The following GRM8 variants were observed in gnomAD, a reference collection of about 807,000 sequenced individuals.
The protein encoded by GRM8 is metabotropic glutamate receptor 8.
GRM8 carries 47 observed loss-of-function variants against 87.2 expected under a neutral mutation model. That is an observed-to-expected ratio of 0.54 (90% confidence interval 0.43 to 0.69). The LOEUF is 0.69. Among genes scored for constraint, GRM8 ranks in the 30% least tolerant of loss-of-function variants. The probability of loss-of-function intolerance (pLI) is 0.00; values close to 1 mark genes in which losing one functional copy is unlikely to be tolerated. For missense variants in GRM8, 1,019 were observed against 1,139.2 expected, an observed-to-expected ratio of 0.89 and a Z score of 1.52; for synonymous variants, 396 against 404.5, an observed-to-expected ratio of 0.98 and a Z score of 0.25.
intron 3 of GRM8, among the ~76,000 whole-genome samples, chr7:127,059,177 G>C (rs1327917297): frequency 1.3e-5 from 2 of 152,046 alleles, no homozygotes; most frequent in African/African-American, 2.4e-5. Flanking sequence ...TTTGTATCTT[G>C]AAAAATGAAT....
At chr7:126,650,305 C>G (rs1317345178) in intron 7 of GRM8, among the ~76,000 whole-genome samples, 1 of 152,192 alleles carries the variant, frequency 6.6e-6, no homozygotes, top group Non-Finnish European at 1.5e-5. Flanking sequence ...CCAGCCTGCA[C>G]CAATGGCCTC....
At chr7:126,634,414 A>G (rs1432839279) in intron 7 of GRM8, among the ~76,000 whole-genome samples, 1 of 152,150 alleles carries the variant, frequency 6.6e-6, no homozygotes, top group Non-Finnish European at 1.5e-5. Context: ...CATCAACTGA[A>G]TGGGTTTCCT....
intron 7 of GRM8, among the ~76,000 whole-genome samples, chr7:126,617,402 A>G (rs1355782521): frequency 6.6e-6 from 1 of 152,192 alleles, no homozygotes; most frequent in Admixed American, 6.5e-5. Context: ...TATTTATGAC[A>G]AACCCACAGC....
At chr7:126,646,995 G>T (rs556537779) in intron 7 of GRM8, among the ~76,000 whole-genome samples, 1 of 152,296 alleles carries the variant, frequency 6.6e-6, no homozygotes, top group East Asian at 1.9e-4. Context: ...AGGGGTGGCA[G>T]CAATGTTGTC....
chr7:126,498,594 T>G (rs565613298), intron 9 of GRM8, among the ~76,000 whole-genome samples: 2 of 152,008 alleles, frequency 1.3e-5, no homozygotes, highest in African/African-American at 2.4e-5. Context: ...TCCAGAAAAG[T>G]GGGGGGACAT....
chr7:127,124,049 T>C (rs764150774), intron 2 of GRM8, among the ~76,000 whole-genome samples: 2 of 152,198 alleles, frequency 1.3e-5, no homozygotes, highest in Non-Finnish European at 2.9e-5. Flanking sequence ...AACTGGGTCC[T>C]TTCTACTGGC....
At chr7:127,014,998 A>G (rs1240922267) in intron 3 of GRM8, among the ~76,000 whole-genome samples, 1 of 116,800 alleles carries the variant, frequency 8.6e-6, no homozygotes, top group Non-Finnish European at 1.7e-5. Flanking sequence ...GAAGAAGAAG[A>G]AGAAAGAAGA....
intron 2 of GRM8, among the ~76,000 whole-genome samples, chr7:127,125,800 A>ACACACACACG (rs1491333155): frequency 2.0e-5 from 3 of 147,022 alleles, no homozygotes; most frequent in Middle Eastern, 3.6e-3. Flanking sequence ...ACACACACAC[A>ACACACACACG]AATAACTATT....
chr7:126,671,558 T>C (rs971296332), intron 7 of GRM8, among the ~76,000 whole-genome samples: 4 of 152,190 alleles, frequency 2.6e-5, no homozygotes, highest in African/African-American at 9.7e-5. Context: ...AGTTTTCACC[T>C]ACATTTTAGA....
At chr7:127,205,410 T>C (rs565454855) in intron 2 of GRM8, among the ~76,000 whole-genome samples, 1 of 152,320 alleles carries the variant, frequency 6.6e-6, no homozygotes, top group East Asian at 1.9e-4. Context: ...CTTTGAAGCC[T>C]TCCCCAGCCA....
chr7:126,577,911 TC>T (rs1231262905), intron 8 of GRM8, among the ~76,000 whole-genome samples: 1 of 152,124 alleles, frequency 6.6e-6, no homozygotes, highest in African/African-American at 2.4e-5. Flanking sequence ...TCTTAAAATC[TC>T]CCACCAAACC....
At chr7:126,788,420 A>AAAAAAAAAAAAAAAC in intron 6 of GRM8, among the ~76,000 whole-genome samples, 4 of 81,132 alleles carry the variant, frequency 4.9e-5, no homozygotes, top group East Asian at 3.7e-4. Flanking sequence ...AAAAAAAAAA[A>AAAAAAAAAAAAAAAC]AAACCCTTTC....
At chr7:126,468,800 A>G (rs116174853) in intron 9 of GRM8, among the ~76,000 whole-genome samples, 1 of 152,152 alleles carries the variant, frequency 6.6e-6, no homozygotes, top group Non-Finnish European at 1.5e-5. Context: ...ATGGTTAACG[A>G]TAAGCCTCAA....
At chr7:127,135,262 T>C (rs1196691453) in intron 2 of GRM8, among the ~76,000 whole-genome samples, 1 of 152,112 alleles carries the variant, frequency 6.6e-6, no homozygotes, top group South Asian at 2.1e-4. Flanking sequence ...AGAATGCCCA[T>C]TTCCATATAA....
chr7:126,632,297 A>T (rs1801397266), intron 7 of GRM8, among the ~76,000 whole-genome samples: 1 of 152,150 alleles, frequency 6.6e-6, no homozygotes, highest in Admixed American at 6.6e-5. Context: ...AACATCACTG[A>T]TCATTAGAGA....
chr7:126,493,963 G>A (rs181074393), intron 9 of GRM8, among the ~76,000 whole-genome samples: 4 of 152,074 alleles, frequency 2.6e-5, no homozygotes, highest in Non-Finnish European at 2.9e-5. Flanking sequence ...TCCCTGGCAT[G>A]ACTGGCAGGG....
intron 8 of GRM8, among the ~76,000 whole-genome samples, chr7:126,536,270 C>T (rs548707759): frequency 1.4e-4 from 21 of 152,184 alleles, no homozygotes; most frequent in Non-Finnish European, 2.6e-4. Flanking sequence ...TGACTGAAAT[C>T]GTTCTCATGA....
chr7:127,231,977 C>T (rs2116813370), intron 2 of GRM8, among the ~76,000 whole-genome samples: 1 of 151,764 alleles, frequency 6.6e-6, no homozygotes, highest in East Asian at 1.9e-4. Context: ...ACTAATGTTT[C>T]TCTGGGTCTT....
chr7:127,092,450 C>T (rs1228329074), intron 3 of GRM8, among the ~76,000 whole-genome samples: 1 of 152,198 alleles, frequency 6.6e-6, no homozygotes, highest in African/African-American at 2.4e-5. Flanking sequence ...AATCCCAGCA[C>T]TTCAGGAGGC....
Sources: allele counts gnomAD v4.1 joint callset (sites outside exome capture counted in the v4.1 genomes callset), GRCh38; gene constraint gnomAD v4.1.1; transcripts MANE v1.5; gene names NCBI Gene and HGNC (gene_info 2026-07-23, HGNC 2026-07-21).